The following PDZD7 variants were observed in gnomAD, a reference collection of about 807,000 sequenced individuals.
The protein encoded by PDZD7 is PDZ domain containing 7.
In PDZD7, 72 loss-of-function variants were observed where a neutral mutation model predicts 84.7. That is an observed-to-expected ratio of 0.85 (90% CI 0.70 to 1.03). The LOEUF is 1.03. PDZD7 is among the 50% of genes least tolerant of loss of function. The pLI is 0.00. For missense variants in PDZD7, 1,490 were observed against 1,412.9 expected, an observed-to-expected ratio of 1.05 and a Z score of -0.87; for synonymous variants, 594 against 580.7, an observed-to-expected ratio of 1.02 and a Z score of -0.33.
At chr10:101,025,089 T>A (rs1234927503) in intron 2 of PDZD7, among the ~76,000 whole-genome samples, 1 of 152,198 alleles carries the variant, frequency 6.6e-6, no homozygotes, top group Non-Finnish European at 1.5e-5. Context: ...TTAGATGTTT[T>A]CATCTGTGTA....
rs748001519 is a variant in PDZD7 at position 101,019,114 on chromosome 10, C to T, written c.1032G>A (p.Ser344=). The T allele has an allele frequency of 5.8e-6, 9 of 1,553,712 alleles. No homozygotes were observed. The East Asian group carries it at 2.1e-4, about 37-fold the overall frequency. Residue 344 remains serine (S), a synonymous_variant, in exon 8 of 17, where the codon TCG becomes TCA. Transcript: ENST00000619208. ...GCCCGAGGCAGATGTCCATGCGGTC[C>T]GACGGCAGGGAGCCCGAGCTGTAGG... ...SAPYSSGSLP[S]DRMDICLGQE... is the part of the protein sequence containing the mutation.
rs1020577070 is a variant in PDZD7 at position 101,016,380 on chromosome 10, G to A, written c.1570C>T (p.Arg524Cys). Residue 524 changes from arginine (R) to cysteine (C), a missense_variant, in exon 10 of 17, where the codon CGT becomes TGT. Coordinates refer to ENST00000619208, the MANE Select transcript of PDZD7 (RefSeq NM_001195263.2). Reference sequence around the variant, plus strand: ...GGTAAAGGGATGCATGAATTACCACGTCTCAGTCTCCAGGTGACAAACTTC... The same window carrying A: ...GGTAAAGGGATGCATGAATTACCACATCTCAGTCTCCAGGTGACAAACTTC... ...VQKFVTWRLRRDQERGRALLS... is the reference protein window; with the variant it reads ...VQKFVTWRLRCDQERGRALLS... The A allele has an allele frequency of 2.9e-5, 45 of 1,550,508 alleles. No homozygotes were observed. Among genetic ancestry groups the A allele is most frequent in the Non-Finnish European group, 3.8e-5 (44 of 1,146,988 alleles).
chr10:101,012,697 G>A (rs1266215186), intron 11 of PDZD7, among the ~76,000 whole-genome samples: 1 of 152,214 alleles, frequency 6.6e-6, no homozygotes, highest in Non-Finnish European at 1.5e-5. Context: ...GCCGGAAAAG[G>A]ATGTGCAGGG....
rs137945152 is a variant in PDZD7, at chr10:101,023,576, C to T, written c.402G>A (p.Thr134=). 1.7e-5 allele frequency: 27 copies of T among 1,613,628 alleles called. No individual in the cohort carries two copies. The highest frequency in any genetic ancestry group is 3.3e-5 in the Admixed American group (2 of 60,028). ...RAGLCVGDKI[T]EVNGLSLEST... ...TCTCCAGGCTCAGCCCATTCACCTC[C>T]GTGATCTTGTCCCCCACGCACAGGC... Residue 134 remains threonine, a synonymous_variant, in exon 4 of 17, where the codon ACG becomes ACA. Coordinates refer to ENST00000619208, the MANE Select transcript of PDZD7 (RefSeq NM_001195263.2).
intron 15 of PDZD7, 147 bp downstream of exon 15, chr10:101,010,125 C>A: frequency 9.8e-7 from 1 of 1,020,694 alleles, no homozygotes; most frequent in Non-Finnish European, 1.4e-6. Context: ...GACCTCCTGA[C>A]CTCAAGTGAT....
intron 11 of PDZD7, among the ~76,000 whole-genome samples, chr10:101,013,229 G>T (rs1273366037): frequency 2.0e-5 from 3 of 152,220 alleles, no homozygotes. Flanking sequence ...GACACATGTG[G>T]TGCAGAACCA....
rs1396122062 is a variant in PDZD7, at chr10:101,008,701, G to C, written c.2868C>G (p.Pro956=). The change falls in exon 17 of 17, where the codon CCC becomes CCG. Residue 956 remains proline (P), a synonymous_variant. Transcript: ENST00000619208. Reference sequence around the variant, plus strand: ...TAAGGGCTGATGAGTCAGAGGGTGAGGGCCGTGGGCTGGGCCCGGGGACCC... The same window carrying C: ...TAAGGGCTGATGAGTCAGAGGGTGACGGCCGTGGGCTGGGCCCGGGGACCC... The part of the protein sequence containing the change: ...VVRVPGPSPR[P]SPSDSSALTD... 14 of 1,535,990 alleles carry C rather than the reference G, an allele frequency of 9.1e-6. No individual in the cohort carries two copies. The highest frequency in any genetic ancestry group is 1.2e-5 in the Non-Finnish European group (14 of 1,146,842).
Position 101,030,301 on chromosome 10 carries a change from T to C in PDZD7, c.-82A>G. The C allele has an allele frequency of 8.2e-7, 1 of 1,221,972 alleles. No homozygotes were observed. The highest frequency in any genetic ancestry group is 1.2e-6 in the Non-Finnish European group (1 of 859,424). 75.7% of individuals were successfully genotyped at this position (1,221,972 alleles called of 1,614,324 possible). On this transcript the variant is annotated 5_prime_UTR_variant, in exon 2 of 17. Transcript: ENST00000619208. ...GAGGCCAGCCCTGCGTGCTTCGAGC[T>C]CCATGAGCCTCTGTGCGGGGCTGGG...
At chr10:101,023,377 G>T in intron 4 of PDZD7, 59 bp downstream of exon 4, 1 of 1,605,690 alleles carries the variant, frequency 6.2e-7, no homozygotes. Context: ...TTTGGGTGTT[G>T]GTAGGGTTGG....
rs1032265481 is a variant in PDZD7, at chr10:101,016,411, C to T, written c.1539G>A (p.Pro513=). The T allele has an allele frequency of 4.5e-5, 69 of 1,550,546 alleles. No homozygotes were observed. The highest frequency in any genetic ancestry group is 3.1e-4 in the Admixed American group (16 of 50,992). The change falls in exon 10 of 17, where the codon CCG becomes CCA. Residue 513 remains proline (P), a synonymous_variant. Transcript: ENST00000619208. The part of the protein sequence containing the change: ...LDIEKAGGVG[P]VQKFVTWRLR... ...GTCTCCAGGTGACAAACTTCTGTAC[C>T]GGGCCCACGCCCCCTGCTATGAAGA... is the stretch of plus-strand genomic sequence containing the variant.
At position 101,018,105 on chromosome 10, in the gene PDZD7, C is replaced by G. The variant is rs775071299; in HGVS notation, c.1516G>C (p.Glu506Gln). 3.7e-6 allele frequency: 6 copies of G among 1,614,056 alleles called. No individual in the cohort carries two copies. Among genetic ancestry groups the G allele is most frequent in the Non-Finnish European group, 3.4e-6 (4 of 1,180,034 alleles). Residue 506 changes from glutamate to glutamine, a missense_variant, in exon 9 of 17, where the codon GAG (glutamate) becomes CAG (glutamine). Physicochemically the swap from Glu to Gln is conservative, Grantham distance 29. Coordinates refer to ENST00000619208, the MANE Select transcript of PDZD7 (RefSeq NM_001195263.2). Reference sequence around the variant, plus strand: ...TGATCAGCCCACTACTTACCTTTCTCTATGTCCAGGCGAGGGTAAGTTTTG... The same window carrying G: ...TGATCAGCCCACTACTTACCTTTCTGTATGTCCAGGCGAGGGTAAGTTTTG... ...LAKTYPRLDI[E>Q]KAGGVGPVQK...
At chr10:101,012,377 G>T in intron 11 of PDZD7, 119 bp from the exon 12 acceptor site, 1 of 891,034 alleles carries the variant, frequency 1.1e-6, no homozygotes. Context: ...AGCCCTGCGT[G>T]CCTTGGGAAA....
At chr10:101,020,388 G>A (rs1853015905) in intron 7 of PDZD7, among the ~76,000 whole-genome samples, 1 of 152,174 alleles carries the variant, frequency 6.6e-6, no homozygotes, top group Non-Finnish European at 1.5e-5. Flanking sequence ...TTATAGGCGT[G>A]AGCCATCGCG....
intron 9 of PDZD7, among the ~76,000 whole-genome samples, chr10:101,016,859 GAGGGGCC>G (rs759291705): frequency 1.3e-5 from 2 of 152,140 alleles, no homozygotes; most frequent in Non-Finnish European, 2.9e-5. Context: ...CACTGACGGA[GAGGGGCC>G]AGGCAGCCGT....
At chr10:101,016,266 T>C (rs1852620909) in intron 10 of PDZD7, 111 bp downstream of exon 10, 1 of 1,119,562 alleles carries the variant, frequency 8.9e-7, no homozygotes, top group East Asian at 2.6e-5. Flanking sequence ...TGATCCCCCA[T>C]GCTTGACCCT....
intron 7 of PDZD7, among the ~76,000 whole-genome samples, chr10:101,019,974 G>T (rs1852989843): frequency 1.3e-5 from 2 of 150,420 alleles, no homozygotes; most frequent in South Asian, 4.2e-4. Context: ...AGGCTGGAGT[G>T]CAGTGGCACA....
intron 7 of PDZD7, 143 bp from the exon 8 acceptor site, chr10:101,019,360 C>T: frequency 9.7e-7 from 1 of 1,027,878 alleles, no homozygotes; most frequent in African/African-American, 1.6e-5. Context: ...GAACCCGCTG[C>T]TCCGAAATGC....
At chr10:101,025,224 C>G (rs1051648618) in intron 2 of PDZD7, among the ~76,000 whole-genome samples, 4 of 151,738 alleles carry the variant, frequency 2.6e-5, no homozygotes, top group Non-Finnish European at 5.9e-5. Context: ...CTTTTTTTTC[C>G]CCCGAGACAA....
Position 101,010,318 on chromosome 10 carries a change from A to G in PDZD7, c.2571T>C (p.Ser857=), listed in dbSNP as rs1368443241. The G allele has an allele frequency of 2.0e-6, 3 of 1,535,968 alleles. No individual in the cohort carries two copies. Among genetic ancestry groups the G allele is most frequent in the East Asian group, 4.9e-5 (2 of 40,898 alleles). ...ACAGTGTCACTGTCTTCAGCTCGCC[A>G]CTGGGGTTCTTCATGGCTGCCTCCT... ...TAKEAAMKNP[S]GELKTVTLSK... The change falls in exon 15 of 17, where the codon AGT becomes AGC. Residue 857 remains serine (S), a synonymous_variant. Transcript: ENST00000619208.
Sources: allele counts gnomAD v4.1 joint callset (sites outside exome capture counted in the v4.1 genomes callset), GRCh38; gene constraint gnomAD v4.1.1; transcripts MANE v1.5; gene names NCBI Gene and HGNC (gene_info 2026-07-23, HGNC 2026-07-21).